Variants in OSGIN1 observed in about 807,000 individuals in gnomAD.
OSGIN1 encodes oxidative stress induced growth inhibitor 1.
Under a neutral mutation model 20.1 loss-of-function variants are expected in OSGIN1, and 19 were observed. The ratio of observed to expected loss-of-function variants is 0.95; its 90% CI spans 0.66 to 1.39. The LOEUF (loss-of-function observed/expected upper bound fraction) is 1.39. Ranked by LOEUF, OSGIN1 falls within the 40% of genes most tolerant of loss-of-function variation. OSGIN1 has a pLI of 0.00. For synonymous variants in OSGIN1, 368 were observed against 297.8 expected (o/e 1.24, Z -2.43); for missense variants, 820 against 653.0 (o/e 1.26, Z -2.79).
chr16:83,966,243 G>A lies in OSGIN1; in HGVS notation c.*236G>A, dbSNP rs1440068655. The A allele has an allele frequency of 1.8e-6, 1 of 546,682 alleles. No individual in the cohort carries two copies. The highest frequency in any genetic ancestry group is 3.2e-6 in the Non-Finnish European group (1 of 312,832). The allele number at this position is 546,682 out of a possible 1,614,324, so 33.9% of individuals were successfully genotyped here. The stretch of plus-strand genomic sequence containing the variant: ...AGACCTGGGATTTGTGGGGAAAGCT[G>A]CTGGTGTGACCAGCTGAGCACCCAG... On this transcript the variant is annotated 3_prime_UTR_variant, in exon 6 of 6. Coordinates refer to ENST00000393306, the MANE Select transcript of OSGIN1 (RefSeq NM_182981.3).
intron 1 of OSGIN1, among the ~76,000 whole-genome samples, chr16:83,956,797 T>C (rs1274809115): frequency 2.0e-5 from 3 of 152,218 alleles, no homozygotes; most frequent in Non-Finnish European, 4.4e-5. Context: ...GATGGCAGCA[T>C]GTGGCCCTCG....
At position 83,966,329 on chromosome 16, in the gene OSGIN1, C is replaced by G; in HGVS notation, c.*322C>G. 2.5e-6 allele frequency: 1 copy of G among 405,180 alleles called. No individual in the cohort carries two copies. Among genetic ancestry groups the G allele is most frequent in the Non-Finnish European group, 4.4e-6 (1 of 226,498 alleles). 25.1% of individuals were successfully genotyped at this position (405,180 alleles called of 1,614,324 possible). On this transcript the variant is annotated 3_prime_UTR_variant, in exon 6 of 6. Transcript: ENST00000393306. ...GGTCCCAAATAAAGCCAGTGCCCAC[C>G]TGCTCTCATGCGTCTGAGGACTCTG...
intron 1 of OSGIN1, 135 bp downstream of exon 1, chr16:83,953,505 C>G (rs1303443398): frequency 1.8e-5 from 12 of 667,766 alleles, no homozygotes; most frequent in African/African-American, 5.7e-5. Flanking sequence ...AGTGGAGGCC[C>G]TCGCCTGGGT....
rs372083798 is a variant in OSGIN1 at position 83,961,060 on chromosome 16, A to C, written c.476A>C (p.Gln159Pro). 1 of 1,613,410 alleles carries C rather than the reference A, an allele frequency of 6.2e-7. No individual in the cohort carries two copies. Among genetic ancestry groups the C allele is most frequent in the Admixed American group, 1.7e-5 (1 of 60,020 alleles). Reference protein sequence around the residue: ...LPDLEVKDWMQKKRRGLRNSR... With the variant: ...LPDLEVKDWMPKKRRGLRNSR... ...GACCTGGAGGTCAAGGACTGGATGC[A>C]GAAGAAGCGAAGGTGAGGCCGCCCC... Residue 159 changes from glutamine (Q) to proline (P), a missense_variant, in exon 5 of 6, where the codon CAG (glutamine) becomes CCG (proline). By Grantham distance (76) the Gln-to-Pro change is moderately conservative. Coordinates refer to ENST00000393306, the MANE Select transcript of OSGIN1 (RefSeq NM_182981.3).
At chr16:83,956,284 C>A (rs1364706516) in intron 1 of OSGIN1, among the ~76,000 whole-genome samples, 1 of 152,248 alleles carries the variant, frequency 6.6e-6, no homozygotes, top group Non-Finnish European at 1.5e-5. Context: ...AGGCCACACA[C>A]TGGTCTCAGC....
intron 1 of OSGIN1, chr16:83,957,194 G>A (rs2151075444): frequency 6.2e-6 from 1 of 161,546 alleles, no homozygotes. Context: ...GGGATAGGAA[G>A]CAACGTGCCA....
Position 83,960,734 on chromosome 16 carries a change from C to G in OSGIN1, c.370C>G (p.Arg124Gly), listed in dbSNP as rs778125402. ...EHAIPHVVLG[R>G]NLPGGAWHSI... ...CGCCATCCCCCACGTGGTTCTGGGC[C>G]GGAACCTCCCCGGGGGAGCCTGGCA... Residue 124 changes from arginine to glycine, a missense_variant, in exon 4 of 6, where the codon CGG (arginine) becomes GGG (glycine). Coordinates refer to ENST00000393306, the MANE Select transcript of OSGIN1 (RefSeq NM_182981.3). 1 of 1,613,350 alleles carries G rather than the reference C, an allele frequency of 6.2e-7. No homozygotes were observed. The highest frequency in any genetic ancestry group is 8.5e-7 in the Non-Finnish European group (1 of 1,180,012).
chr16:83,960,918 C>T (rs1365679311), intron 4 of OSGIN1, 63 bp from the exon 5 acceptor site: 13 of 1,556,056 alleles, frequency 8.4e-6, no homozygotes, highest in African/African-American at 1.4e-5. Context: ...CCTCCCATGC[C>T]CTCTAGCCCC....
At chr16:83,963,093 C>A (rs1472274373) in intron 5 of OSGIN1, among the ~76,000 whole-genome samples, 9 of 152,208 alleles carry the variant, frequency 5.9e-5, no homozygotes, top group Admixed American at 2.0e-4. Context: ...GGGCTGTGAC[C>A]AGGCCTGTGT....
rs1909003170 is a variant in OSGIN1, at chr16:83,957,720, C to G, written c.49C>G (p.Leu17Val). 6.3e-7 allele frequency: 1 copy of G among 1,599,102 alleles called. No homozygotes were observed. ...DHLGASSSEP[L>V]PVIIVGNGPS... ...CCTCGGCGCCAGCAGCTCAGAGCCC[C>G]TCCCGGTCATCATTGTGGGTGAGTG... The change falls in exon 2 of 6, where the codon CTC (leucine) becomes GTC (valine). Residue 17 changes from leucine (L) to valine (V), a missense_variant. By Grantham distance (32) the Leu-to-Val change is conservative (BLOSUM62 1). Transcript: ENST00000393306.
At chr16:83,957,558 C>T (rs772677519) in intron 1 of OSGIN1, 82 bp from the exon 2 acceptor site, 7 of 753,278 alleles carry the variant, frequency 9.3e-6, no homozygotes, top group Non-Finnish European at 1.4e-5. Flanking sequence ...CAGGAGGCCA[C>T]CCTAGCTGGG....
At position 83,965,101 on chromosome 16, in the gene OSGIN1, C is replaced by A. The variant is rs1463818887; in HGVS notation, c.528C>A (p.Ala176=). The A allele has an allele frequency of 6.2e-7, 1 of 1,609,476 alleles. No individual in the cohort carries two copies. Among genetic ancestry groups the A allele is most frequent in the Non-Finnish European group, 8.5e-7 (1 of 1,177,072 alleles). Residue 176 remains alanine, a synonymous_variant, in exon 6 of 6, where the codon GCC becomes GCA. Transcript: ENST00000393306. ...RNSRATAGDI[A]HYYRDYVVKK... is the part of the protein sequence containing the mutation. ...GCCGGGCCACTGCCGGGGACATCGC[C>A]CACTACTACAGGGACTACGTGGTCA...
intron 1 of OSGIN1, among the ~76,000 whole-genome samples, chr16:83,953,938 G>A (rs550820904): frequency 6.1e-4 from 93 of 152,356 alleles, no homozygotes; most frequent in African/African-American, 2.2e-3. Flanking sequence ...CTGGGGCGAG[G>A]GCTCGTCTGT....
Position 83,965,709 on chromosome 16 carries a change from A to G in OSGIN1, c.1136A>G (p.Asp379Gly). ...FKEDCQAVFQDLEGVEKVFGV... is the reference protein window; with the variant it reads ...FKEDCQAVFQGLEGVEKVFGV... ...GAAGACTGCCAGGCCGTGTTCCAGGACCTCGAGGGTGTCGAGAAGGTGTTT... is the reference window on the plus strand; with the variant it reads ...GAAGACTGCCAGGCCGTGTTCCAGGGCCTCGAGGGTGTCGAGAAGGTGTTT... The change falls in exon 6 of 6, where the codon GAC becomes GGC. Residue 379 changes from aspartate to glycine, a missense_variant. Asp to Gly is a moderately conservative substitution (Grantham distance 94, BLOSUM62 -1). Coordinates refer to ENST00000393306, the MANE Select transcript of OSGIN1 (RefSeq NM_182981.3). 1 of 1,613,566 alleles carries G rather than the reference A, an allele frequency of 6.2e-7. No homozygotes were observed. Among genetic ancestry groups the G allele is most frequent in the Non-Finnish European group, 8.5e-7 (1 of 1,180,002 alleles).
chr16:83,962,253 G>GT lies in OSGIN1; in HGVS notation c.488+1186dup, dbSNP rs921820365. ...AGTTTTGTTTGTTTATTTGTTGTTTGTTTTTAATGAAGTCTCCCTCTGTCG... is the reference window on the plus strand; with the variant it reads ...AGTTTTGTTTGTTTATTTGTTGTTTGTTTTTTAATGAAGTCTCCCTCTGTCG... On this transcript the variant is annotated intron_variant, in intron 5 of 5. Coordinates refer to ENST00000393306, the MANE Select transcript of OSGIN1 (RefSeq NM_182981.3). Among the ~76,000 whole-genome samples the GT allele has an allele frequency of 5.5e-4, 84 of 152,050 alleles. 1 individual carries two copies. The highest frequency in any genetic ancestry group is 1.0e-3 in the Non-Finnish European group (70 of 67,992).
intron 2 of OSGIN1, among the ~76,000 whole-genome samples, chr16:83,958,327 C>G (rs1204153210): frequency 6.6e-6 from 1 of 152,200 alleles, no homozygotes; most frequent in East Asian, 1.9e-4. Context: ...CTGGAGGCGA[C>G]CCGGCGTGGC....
intron 1 of OSGIN1, chr16:83,954,191 T>A (rs995759882): frequency 1.3e-5 from 2 of 152,210 alleles, no homozygotes; most frequent in African/African-American, 4.8e-5. Flanking sequence ...ACCCACCTCC[T>A]GGGGTGTCTT....
rs1398701180 is a variant in OSGIN1, at chr16:83,965,575, C to A, written c.1002C>A (p.Tyr334Ter). ...TCAACCAGCTGCCCAAGATGCTGTACCCCGAGTACCACAAGGTGCACCAGA... is the reference window on the plus strand; with the variant it reads ...TCAACCAGCTGCCCAAGATGCTGTAACCCGAGTACCACAAGGTGCACCAGA... ...LVFNQLPKML[Y>*]PEYHKVHQMM... Residue 334 changes from tyrosine (Y) to a stop codon, truncating the protein, a stop_gained, in exon 6 of 6, where the codon TAC (tyrosine) becomes TAA (stop). Transcript: ENST00000393306. LOFTEE classifies it low-confidence loss of function (END_TRUNC). 6.2e-7 allele frequency: 1 copy of A among 1,612,988 alleles called. No homozygotes were observed. The highest frequency in any genetic ancestry group is 1.1e-5 in the South Asian group (1 of 91,084).
intron 2 of OSGIN1, among the ~76,000 whole-genome samples, chr16:83,958,134 C>A (rs990005077): frequency 6.6e-6 from 1 of 152,238 alleles, no homozygotes. Flanking sequence ...GCCTCAGCCT[C>A]CCAAAGTGCT....
Sources: gnomAD v4.1 joint callset for allele counts (sites outside exome capture counted in the v4.1 genomes callset) on GRCh38, gnomAD v4.1.1 for gene constraint, MANE v1.5 for transcripts, NCBI Gene and HGNC (gene_info 2026-07-23, HGNC 2026-07-21) for gene names.